Variants in KAT7 observed in about 807,000 individuals in gnomAD.
The protein encoded by KAT7 is histone acetyltransferase KAT7.
Under a neutral mutation model 82.1 loss-of-function variants are expected in KAT7, and 10 were observed. The observed-to-expected ratio is 0.12, with a 90% CI of 0.08 to 0.21. The LOEUF (loss-of-function observed/expected upper bound fraction) is 0.21, where lower values mean the gene tolerates loss of function less well. Ranked by LOEUF, KAT7 falls within the 10% of genes least tolerant of loss-of-function variation. The pLI, the probability that KAT7 is intolerant of heterozygous loss-of-function variation, is 1.00. For synonymous variants in KAT7, 250 were observed against 262.5 expected, an observed-to-expected ratio of 0.95 and a Z score of 0.46; for missense variants, 378 against 760.9, an observed-to-expected ratio of 0.50 and a Z score of 5.92.
chr17:49,812,934 C>T (rs996358479), intron 7 of KAT7, among the ~76,000 whole-genome samples: 2 of 151,434 alleles, frequency 1.3e-5, no homozygotes, highest in Non-Finnish European at 2.9e-5. Context: ...AACTCCTGAC[C>T]TCGTGATCCA....
intron 4 of KAT7, among the ~76,000 whole-genome samples, chr17:49,803,298 G>A (rs2074048372): frequency 1.3e-5 from 2 of 149,980 alleles, no homozygotes; most frequent in South Asian, 4.2e-4. Flanking sequence ...TTTAAGTAGA[G>A]ATGGAGTCTC....
intron 1 of KAT7, among the ~76,000 whole-genome samples, 171 bp from the exon 2 acceptor site, chr17:49,791,715 T>C (rs530980155): frequency 6.6e-6 from 1 of 152,366 alleles, no homozygotes; most frequent in African/African-American, 2.4e-5. Context: ...TTAAGTGTTC[T>C]AAATAAAGTG....
rs1400794734 is a variant in KAT7 at position 49,802,870 on chromosome 17, C to T, written c.581-2493C>T. ...CCTTCTGAGTAGCCAGGACTACGGG[C>T]ATGGACTACCGTGCCTGGCTAATTA... On this transcript the variant is annotated intron_variant, in intron 4 of 14. Coordinates refer to ENST00000259021, the MANE Select transcript of KAT7 (RefSeq NM_007067.5). Among the ~76,000 whole-genome samples, 3 of 152,062 alleles carry T rather than the reference C, an allele frequency of 2.0e-5. No individual in the cohort carries two copies. The East Asian group carries it at 5.8e-4, about 29-fold the overall frequency.
chr17:49,827,363 G>A (rs1169686881), intron 14 of KAT7, 38 bp from the exon 15 acceptor site: 12 of 1,275,760 alleles, frequency 9.4e-6, no homozygotes, highest in Non-Finnish European at 1.4e-5. Flanking sequence ...CACTTGAGTT[G>A]AAAGTATGTA....
At chr17:49,804,986 T>C (rs577256764) in intron 4 of KAT7, among the ~76,000 whole-genome samples, 2 of 152,328 alleles carry the variant, frequency 1.3e-5, no homozygotes, top group South Asian at 2.1e-4. Context: ...AGTACACTTA[T>C]TCTACATATA....
Position 49,788,742 on chromosome 17 carries a change from G to A in KAT7, c.-93G>A. Reference sequence around the variant, plus strand: ...AGGGATCGTCCGCAGGATTGGGACTGATACAGAGGCCGCCACGGAGCCCGC... The same window carrying A: ...AGGGATCGTCCGCAGGATTGGGACTAATACAGAGGCCGCCACGGAGCCCGC... On this transcript the variant is annotated 5_prime_UTR_variant, in exon 1 of 15. Coordinates refer to ENST00000259021, the MANE Select transcript of KAT7 (RefSeq NM_007067.5). 2.1e-6 allele frequency: 3 copies of A among 1,412,538 alleles called. 1 individual carries two copies. Among genetic ancestry groups the A allele is most frequent in the South Asian group, 2.5e-5 (2 of 79,062 alleles). The allele number at this position is 1,412,538 out of a possible 1,614,324, so 87.5% of individuals were successfully genotyped here. A position where few individuals can be genotyped will look rare whatever the true frequency, so the allele number is the denominator to read the frequency against.
At chr17:49,813,340 G>T (rs1353505248) in intron 7 of KAT7, among the ~76,000 whole-genome samples, 1 of 152,098 alleles carries the variant, frequency 6.6e-6, no homozygotes, top group African/African-American at 2.4e-5. Flanking sequence ...CCATGTCGCT[G>T]CAAAGGACAT....
rs2074374722 is a variant in KAT7 at position 49,826,864 on chromosome 17, T to C, written c.1734+65T>C. ...CTTCAAGACTTAGCAGAGCAAAGTATGGGCCTTAAGACTGGAGAACCTTCC... is the reference window on the plus strand; with the variant it reads ...CTTCAAGACTTAGCAGAGCAAAGTACGGGCCTTAAGACTGGAGAACCTTCC... On this transcript the variant is annotated intron_variant, in intron 14 of 14. Transcript: ENST00000259021. 5 of 1,077,122 alleles carry C rather than the reference T, an allele frequency of 4.6e-6. No individual in the cohort carries two copies. The Admixed American group carries it at 7.4e-5, about 16-fold the overall frequency. The allele number at this position is 1,077,122 out of a possible 1,614,324, so 66.7% of individuals were successfully genotyped here. A position where few individuals can be genotyped will look rare whatever the true frequency, so the allele number is the denominator to read the frequency against.
Position 49,832,083 on chromosome 17 carries a change from G to C in KAT7, c.*4581G>C, listed in dbSNP as rs1287450575. The C allele has an allele frequency of 1.3e-5, 2 of 152,056 alleles. No homozygotes were observed. The highest frequency in any genetic ancestry group is 4.8e-5 in the African/African-American group (2 of 41,298). 9.4% of individuals were successfully genotyped at this position (152,056 alleles called of 1,614,324 possible). A position where few individuals can be genotyped will look rare whatever the true frequency, so the allele number is the denominator to read the frequency against. ...CGATTTTCCTGCCTCAGCCTCCCAA[G>C]TAGCTGGGATTACAGGTGCCCACCA... On this transcript the variant is annotated 3_prime_UTR_variant, in exon 15 of 15. Transcript: ENST00000259021.
At chr17:49,821,924 A>G in intron 11 of KAT7, 134 bp downstream of exon 11, 1 of 759,586 alleles carries the variant, frequency 1.3e-6, no homozygotes, top group Non-Finnish European at 2.2e-6. Context: ...AAATTAAAAA[A>G]AAAAAAAAGG....
At position 49,831,530 on chromosome 17, in the gene KAT7, C is replaced by T. The variant is rs2074424877; in HGVS notation, c.*4028C>T. 1.3e-5 allele frequency: 2 copies of T among 152,288 alleles called. No homozygotes were observed. Among genetic ancestry groups the T allele is most frequent in the Middle Eastern group, 6.8e-3 (2 of 294 alleles). 9.4% of individuals were successfully genotyped at this position (152,288 alleles called of 1,614,324 possible). The stretch of plus-strand genomic sequence containing the variant: ...GCTCATAGTGGTCTTGCTGCTGTGT[C>T]ATAGCAATAGAATGAGAGAGCCTTG... On this transcript the variant is annotated 3_prime_UTR_variant, in exon 15 of 15. Transcript: ENST00000259021.
In KAT7 at chr17:49,815,848, A is replaced by C. The variant is rs1280314079; in HGVS notation, c.898A>C (p.Asn300His). The change falls in exon 8 of 15, where the codon AAC becomes CAC. Residue 300 changes from asparagine to histidine, a missense_variant. By Grantham distance (68) the Asn-to-His change is moderately conservative. This residue lies in a region of KAT7 where 102 missense variants were observed against 129.8 expected (regional missense o/e 0.79). Coordinates refer to ENST00000259021, the MANE Select transcript of KAT7 (RefSeq NM_007067.5). The stretch of plus-strand genomic sequence containing the variant: ...GAACACACGGGAACCTCTTTTAGAA[A>C]ACCTGACAAGCGAGTATGACTTGGA... ...YGNTREPLLE[N>H]LTSEYDLDLF... 6.2e-7 allele frequency: 1 copy of C among 1,613,700 alleles called. No individual in the cohort carries two copies. The highest frequency in any genetic ancestry group is 8.5e-7 in the Non-Finnish European group (1 of 1,179,872).
Position 49,788,737 on chromosome 17 carries a change from G to A in KAT7, c.-98G>A, listed in dbSNP as rs1396618122. On this transcript the variant is annotated 5_prime_UTR_variant, in exon 1 of 15. Coordinates refer to ENST00000259021, the MANE Select transcript of KAT7 (RefSeq NM_007067.5). ...GCACTAGGGATCGTCCGCAGGATTG[G>A]GACTGATACAGAGGCCGCCACGGAG... 1.5e-6 allele frequency: 2 copies of A among 1,354,976 alleles called. No homozygotes were observed. Among genetic ancestry groups the A allele is most frequent in the Non-Finnish European group, 2.0e-6 (2 of 986,084 alleles). 83.9% of individuals were successfully genotyped at this position (1,354,976 alleles called of 1,614,324 possible).
chr17:49,808,570 C>T (rs1218061341), intron 5 of KAT7, among the ~76,000 whole-genome samples: 1 of 151,864 alleles, frequency 6.6e-6, no homozygotes, highest in Non-Finnish European at 1.5e-5. Flanking sequence ...CCTGCCTCAG[C>T]CTCCCGAGTA....
At chr17:49,796,387 C>T (rs2073956310) in intron 2 of KAT7, among the ~76,000 whole-genome samples, 1 of 152,198 alleles carries the variant, frequency 6.6e-6, no homozygotes, top group Non-Finnish European at 1.5e-5. Context: ...CTCACCTATT[C>T]CTCACCACAG....
chr17:49,807,634 C>T (rs1290319704), intron 5 of KAT7, among the ~76,000 whole-genome samples: 2 of 152,050 alleles, frequency 1.3e-5, no homozygotes, highest in Non-Finnish European at 2.9e-5. Flanking sequence ...GACTTGTTAA[C>T]GTGGAGAATG....
rs1027142962 is a variant in KAT7 at position 49,832,957 on chromosome 17, T to A, written c.*5455T>A. On this transcript the variant is annotated 3_prime_UTR_variant, in exon 15 of 15. Transcript: ENST00000259021. ...TTATGTGTGACTGCCTCCTCCAGAC[T>A]GTTTCCTGCTGATAGGGGCAGTTTA... The A allele has an allele frequency of 6.6e-6, 1 of 152,194 alleles. No individual in the cohort carries two copies. The highest frequency in any genetic ancestry group is 1.5e-5 in the Non-Finnish European group (1 of 68,042). 9.4% of individuals were successfully genotyped at this position (152,194 alleles called of 1,614,324 possible). A position where few individuals can be genotyped will look rare whatever the true frequency, so the allele number is the denominator to read the frequency against.
At chr17:49,814,324 C>T (rs1334724282) in intron 7 of KAT7, among the ~76,000 whole-genome samples, 6 of 152,152 alleles carry the variant, frequency 3.9e-5, no homozygotes, top group Non-Finnish European at 8.8e-5. Context: ...TTGGTTTGTA[C>T]AGTGAGGGCT....
At chr17:49,791,487 G>A (rs968589249) in intron 1 of KAT7, among the ~76,000 whole-genome samples, 2 of 152,060 alleles carry the variant, frequency 1.3e-5, no homozygotes, top group East Asian at 1.9e-4. Context: ...GTGAAACCCC[G>A]TCTCTACTAA....
Sources: gnomAD v4.1 joint callset for allele counts (sites outside exome capture counted in the v4.1 genomes callset) on GRCh38, gnomAD v4.1.1 for gene constraint, gnomAD v4.1.1 regional missense constraint, MANE v1.5 for transcripts, NCBI Gene and HGNC (gene_info 2026-07-23, HGNC 2026-07-21) for gene names.